KCNIP4: variants seen among roughly 807,000 people sequenced by gnomAD.
The protein encoded by KCNIP4 is Kv channel-interacting protein 4.
Under a neutral mutation model 34.0 loss-of-function variants are expected in KCNIP4, and 12 were observed. The ratio of observed to expected loss-of-function variants is 0.35; its 90% confidence interval spans 0.23 to 0.57. The LOEUF is 0.57. Among genes scored for constraint, KCNIP4 ranks in the 20% least tolerant of loss-of-function variants. KCNIP4 has a pLI of 0.83. For synonymous variants in KCNIP4, 124 were observed against 102.2 expected (o/e 1.21, Z -1.29); for missense variants, 238 against 311.7 (o/e 0.76, Z 1.78).
intron 3 of KCNIP4, among the ~76,000 whole-genome samples, chr4:20,840,390 T>C (rs953344136): frequency 2.0e-5 from 3 of 152,200 alleles, no homozygotes; most frequent in African/African-American, 7.2e-5. Context: ...CTATCTTCCA[T>C]GTCATTCTCT....
intron 1 of KCNIP4, among the ~76,000 whole-genome samples, chr4:21,512,628 A>G (rs561573195): frequency 2.0e-4 from 30 of 152,196 alleles, no homozygotes; most frequent in Non-Finnish European, 4.0e-4. Flanking sequence ...CTCAACACAT[A>G]TACATGAGAA....
intron 1 of KCNIP4, among the ~76,000 whole-genome samples, chr4:21,324,899 A>G (rs1714877767): frequency 6.6e-6 from 1 of 151,836 alleles, no homozygotes; most frequent in Admixed American, 6.6e-5. Context: ...AACATGGAAT[A>G]TATTTCCATT....
At chr4:21,401,532 T>G (rs1723560352) in intron 1 of KCNIP4, among the ~76,000 whole-genome samples, 1 of 152,192 alleles carries the variant, frequency 6.6e-6, no homozygotes, top group Non-Finnish European at 1.5e-5. Context: ...TCTGCTGAAC[T>G]TGGGGTAAAT....
intron 1 of KCNIP4, among the ~76,000 whole-genome samples, chr4:21,144,239 A>G (rs1370079615): frequency 1.3e-5 from 2 of 152,186 alleles, no homozygotes; most frequent in East Asian, 3.9e-4. Context: ...GGTACTTTAA[A>G]TCCTTCTTTG....
chr4:20,961,642 C>G (rs754472048), intron 1 of KCNIP4, among the ~76,000 whole-genome samples: 1 of 152,052 alleles, frequency 6.6e-6, no homozygotes, highest in Non-Finnish European at 1.5e-5. Context: ...AACTACAAAG[C>G]GCTGGTGTGG....
chr4:20,830,271 A>G (rs1261543943), intron 3 of KCNIP4, among the ~76,000 whole-genome samples: 1 of 152,142 alleles, frequency 6.6e-6, no homozygotes, highest in African/African-American at 2.4e-5. Flanking sequence ...ATCCCTTTAC[A>G]GGTAATCCAA....
chr4:21,188,131 A>C (rs760721193), intron 1 of KCNIP4, among the ~76,000 whole-genome samples: 1 of 152,188 alleles, frequency 6.6e-6, no homozygotes, highest in Non-Finnish European at 1.5e-5. Context: ...TGTCATATTT[A>C]ATAATTTTTA....
rs537886322 is a variant in KCNIP4, at chr4:21,756,489, G to C, written c.61+192082C>G. Among the ~76,000 whole-genome samples the C allele has an allele frequency of 3.3e-5, 5 of 151,590 alleles. No homozygotes were observed. The South Asian group carries it at 8.3e-4, about 25-fold the overall frequency. On this transcript the variant is annotated intron_variant, in intron 1 of 8. Transcript: ENST00000382152. Reference sequence around the variant, plus strand: ...GAATTGCTTGAACCCAGGAGGCGGAGGTTGCAGTGAGCCAAGATTGCACCA... The same window carrying C: ...GAATTGCTTGAACCCAGGAGGCGGACGTTGCAGTGAGCCAAGATTGCACCA...
Position 21,502,531 on chromosome 4 carries a change from T to A in KCNIP4, c.61+446040A>T, listed in dbSNP as rs532832883. Among the ~76,000 whole-genome samples, 115 of 148,624 alleles carry A rather than the reference T, an allele frequency of 7.7e-4. 1 individual carries two copies. The highest frequency in any genetic ancestry group is 2.7e-3 in the African/African-American group (110 of 40,976). On this transcript the variant is annotated intron_variant, in intron 1 of 8. Coordinates refer to ENST00000382152, the MANE Select transcript of KCNIP4 (RefSeq NM_025221.6). ...CACAGATTATATTTTCAAAATTTAT[T>A]TTTTTTCTCAGATCTTTTGATTTAG...
intron 1 of KCNIP4, among the ~76,000 whole-genome samples, chr4:21,794,703 C>T (rs1171689902): frequency 6.6e-6 from 1 of 152,008 alleles, no homozygotes; most frequent in East Asian, 1.9e-4. Context: ...CAGTCTAAAA[C>T]TCCAGCTCTA....
chr4:21,207,464 T>C (rs1756927896), intron 1 of KCNIP4, among the ~76,000 whole-genome samples: 1 of 152,224 alleles, frequency 6.6e-6, no homozygotes, highest in African/African-American at 2.4e-5. Context: ...ATTGTTTTTG[T>C]GCTAAAAATA....
At chr4:21,342,818 C>A (rs971424374) in intron 1 of KCNIP4, among the ~76,000 whole-genome samples, 1 of 152,010 alleles carries the variant, frequency 6.6e-6, no homozygotes, top group African/African-American at 2.4e-5. Flanking sequence ...ATGTCCTTTT[C>A]CTGATACAAG....
At chr4:20,941,372 T>C (rs1577403280) in intron 1 of KCNIP4, among the ~76,000 whole-genome samples, 2 of 152,324 alleles carry the variant, frequency 1.3e-5, no homozygotes, top group South Asian at 4.1e-4. Context: ...CTTTTCTTAA[T>C]TGGCAAAACA....
chr4:20,950,899 T>C (rs553375867), intron 1 of KCNIP4, among the ~76,000 whole-genome samples: 2 of 152,254 alleles, frequency 1.3e-5, no homozygotes, highest in South Asian at 2.1e-4. Context: ...CATTTTAAAA[T>C]ACGCTCTTTC....
intron 2 of KCNIP4, among the ~76,000 whole-genome samples, chr4:20,866,528 A>G (rs531471119): frequency 3.3e-5 from 5 of 152,078 alleles, no homozygotes; most frequent in East Asian, 1.9e-4. Flanking sequence ...AGAGACATCT[A>G]TGACAAACCC....
At chr4:21,640,152 T>C (rs1325179889) in intron 1 of KCNIP4, among the ~76,000 whole-genome samples, 3 of 152,192 alleles carry the variant, frequency 2.0e-5, no homozygotes, top group South Asian at 2.1e-4. Context: ...GCCAATGCCA[T>C]AGGACTGCCC....
At chr4:21,021,061 T>C (rs540263971) in intron 1 of KCNIP4, among the ~76,000 whole-genome samples, 1 of 152,308 alleles carries the variant, frequency 6.6e-6, no homozygotes, top group Non-Finnish European at 1.5e-5. Context: ...CATAACCGAC[T>C]ACACACCTAC....
intron 1 of KCNIP4, among the ~76,000 whole-genome samples, chr4:21,177,147 T>A (rs1754472762): frequency 6.6e-6 from 1 of 152,044 alleles, no homozygotes; most frequent in Admixed American, 6.5e-5. Flanking sequence ...CTACTATATA[T>A]AGGATTCAAA....
intron 1 of KCNIP4, among the ~76,000 whole-genome samples, chr4:21,463,830 T>A (rs1223022789): frequency 1.3e-5 from 2 of 152,074 alleles, no homozygotes; most frequent in African/African-American, 4.8e-5. Context: ...AGCAAAGCCA[T>A]CTGGAATTGG....
Sources: gnomAD v4.1 joint callset for allele counts (sites outside exome capture counted in the v4.1 genomes callset) on GRCh38, gnomAD v4.1.1 for gene constraint, MANE v1.5 for transcripts, NCBI Gene and HGNC (gene_info 2026-07-23, HGNC 2026-07-21) for gene names.